Variants in MSH3 observed in about 807,000 individuals in gnomAD.
The protein encoded by MSH3 is DNA mismatch repair protein Msh3.
MSH3 carries 106 observed loss-of-function variants against 123.3 expected under a neutral mutation model. That is an observed-to-expected ratio of 0.86 (90% CI 0.73 to 1.01). MSH3 has a LOEUF of 1.01. Among genes scored for constraint, MSH3 ranks in the 50% least tolerant of loss-of-function variants. The pLI is 0.00. For synonymous variants in MSH3, 515 were observed against 481.4 expected, an observed-to-expected ratio of 1.07 and a Z score of -0.91; for missense variants, 1,459 against 1,347.6, an observed-to-expected ratio of 1.08 and a Z score of -1.29.
At chr5:80,833,449 G>GT (rs1480911874) in intron 20 of MSH3, among the ~76,000 whole-genome samples, 5 of 151,774 alleles carry the variant, frequency 3.3e-5, no homozygotes, top group Non-Finnish European at 5.9e-5. Flanking sequence ...TTATTTTTTT[G>GT]TTTTTTTGTT....
At chr5:80,659,715 C>A (rs1490042648) in intron 2 of MSH3, among the ~76,000 whole-genome samples, 2 of 152,142 alleles carry the variant, frequency 1.3e-5, no homozygotes, top group Non-Finnish European at 2.9e-5. Context: ...GCACCCACCA[C>A]CACCATCCAT....
intron 22 of MSH3, among the ~76,000 whole-genome samples, chr5:80,872,752 A>G (rs1346928634): frequency 6.6e-6 from 1 of 152,186 alleles, no homozygotes; most frequent in Non-Finnish European, 1.5e-5. Context: ...TGTTACAGTA[A>G]GGTATGATTG....
chr5:80,750,810 A>G (rs1743821118), intron 12 of MSH3, among the ~76,000 whole-genome samples: 1 of 152,078 alleles, frequency 6.6e-6, no homozygotes, highest in African/African-American at 2.4e-5. Flanking sequence ...AAGTCTTTGC[A>G]CTTGTTAGTC....
chr5:80,680,492 A>G (rs138801351), intron 8 of MSH3, among the ~76,000 whole-genome samples: 34 of 151,454 alleles, frequency 2.2e-4, no homozygotes, highest in African/African-American at 8.0e-4. Context: ...ACATTTTGGC[A>G]CATTATTTCC....
At chr5:80,744,450 C>T in intron 11 of MSH3, 56 bp from the exon 12 acceptor site, 2 of 1,268,080 alleles carry the variant, frequency 1.6e-6, no homozygotes, top group South Asian at 1.2e-5. Flanking sequence ...TATGAAATAA[C>T]AATTTGGCAC....
At chr5:80,875,687 G>A (rs1299565388) in intron 23 of MSH3, 64 bp from the exon 24 acceptor site, 1 of 937,480 alleles carries the variant, frequency 1.1e-6, no homozygotes, top group East Asian at 2.5e-5. Flanking sequence ...CATAGCTTCT[G>A]ATGAGACGTA....
In MSH3 at chr5:80,876,099, T is replaced by G; in HGVS notation, c.*237T>G. ...GACTTCCACTTTGTAATTAGAAAATTTTATGGACAGTAAGTCCAGTAAAGC... is the reference window on the plus strand; with the variant it reads ...GACTTCCACTTTGTAATTAGAAAATGTTATGGACAGTAAGTCCAGTAAAGC... On this transcript the variant is annotated 3_prime_UTR_variant, in exon 24 of 24. Coordinates refer to ENST00000265081, the MANE Select transcript of MSH3 (RefSeq NM_002439.5). 4.1e-6 allele frequency: 2 copies of G among 492,290 alleles called. No individual in the cohort carries two copies. Among genetic ancestry groups the G allele is most frequent in the Non-Finnish European group, 7.2e-6 (2 of 277,934 alleles). The allele number at this position is 492,290 out of a possible 1,614,324, so 30.5% of individuals were successfully genotyped here.
intron 3 of MSH3, among the ~76,000 whole-genome samples, chr5:80,667,357 A>G (rs1676226378): frequency 6.6e-6 from 1 of 152,216 alleles, no homozygotes; most frequent in African/African-American, 2.4e-5. Context: ...AACTCATCAA[A>G]ATTAAAAGCA....
chr5:80,829,566 T>G (rs1016238853), intron 20 of MSH3, among the ~76,000 whole-genome samples: 1 of 152,232 alleles, frequency 6.6e-6, no homozygotes, highest in African/African-American at 2.4e-5. Context: ...TCACCCAGTC[T>G]TGCACACTTA....
chr5:80,825,454 C>G (rs1373697012), intron 20 of MSH3, among the ~76,000 whole-genome samples: 1 of 152,026 alleles, frequency 6.6e-6, no homozygotes, highest in Admixed American at 6.6e-5. Flanking sequence ...TAATTTTTCC[C>G]TAATTATGAT....
chr5:80,773,663 A>T (rs964483071), intron 15 of MSH3, among the ~76,000 whole-genome samples: 8 of 152,248 alleles, frequency 5.3e-5, no homozygotes, highest in African/African-American at 1.9e-4. Context: ...AAAAGTTCTC[A>T]TAGCTCTCTC....
intron 8 of MSH3, among the ~76,000 whole-genome samples, chr5:80,687,308 G>A (rs761876194): frequency 1.3e-5 from 2 of 152,198 alleles, no homozygotes. Flanking sequence ...ATCAATTGCA[G>A]TTAAGGTTGC....
intron 8 of MSH3, among the ~76,000 whole-genome samples, chr5:80,694,073 A>G (rs1325663720): frequency 6.6e-6 from 1 of 152,196 alleles, no homozygotes; most frequent in Non-Finnish European, 1.5e-5. Context: ...TCATGCATAC[A>G]TAGGAAGTTC....
chr5:80,693,532 T>TATGCACATGTATATGTTTAG (rs1750387628), intron 8 of MSH3, among the ~76,000 whole-genome samples: 2 of 117,904 alleles, frequency 1.7e-5, no homozygotes, highest in South Asian at 2.6e-4. Flanking sequence ...TATATGTTTA[T>TATGCACATGTATATGTTTAG]ATAAATATAT....
intron 11 of MSH3, 63 bp from the exon 12 acceptor site, chr5:80,744,443 G>T: frequency 8.4e-7 from 1 of 1,194,104 alleles, no homozygotes; most frequent in Non-Finnish European, 1.2e-6. Flanking sequence ...CGGGGTATAT[G>T]AAATAACAAT....
At chr5:80,759,719 G>T (rs1743997660) in intron 12 of MSH3, among the ~76,000 whole-genome samples, 1 of 152,174 alleles carries the variant, frequency 6.6e-6, no homozygotes, top group Non-Finnish European at 1.5e-5. Flanking sequence ...TTGGAAAAAG[G>T]AATGGAAGTG....
chr5:80,799,616 C>A (rs1744758364), intron 19 of MSH3, among the ~76,000 whole-genome samples: 1 of 140,322 alleles, frequency 7.1e-6, no homozygotes, highest in Admixed American at 7.9e-5. Context: ...CTGCTGACTT[C>A]AGGGATATTA....
chr5:80,834,978 TATCTC>T (rs1260489690), intron 20 of MSH3, among the ~76,000 whole-genome samples: 2 of 152,240 alleles, frequency 1.3e-5, no homozygotes, highest in Admixed American at 6.5e-5. Flanking sequence ...TGAAATGTCT[TATCTC>T]ATCTATAAAA....
rs551426272 is a variant in MSH3, at chr5:80,693,554, T to C, written c.1340+14461T>C. Reference sequence around the variant, plus strand: ...TTATATAAATATATATGCACATGTATGTGTTTATATAAATATATATGCACA... The same window carrying C: ...TTATATAAATATATATGCACATGTACGTGTTTATATAAATATATATGCACA... On this transcript the variant is annotated intron_variant, in intron 8 of 23. Transcript: ENST00000265081. 1.5e-3 allele frequency among the ~76,000 whole-genome samples: 227 copies of C among 149,136 alleles called. 4 individuals carry two copies. Among genetic ancestry groups the C allele is most frequent in the South Asian group, 4.2e-3 (20 of 4,814 alleles).
Sources: allele counts gnomAD v4.1 joint callset (sites outside exome capture counted in the v4.1 genomes callset), GRCh38; gene constraint gnomAD v4.1.1; transcripts MANE v1.5; gene names NCBI Gene and HGNC (gene_info 2026-07-23, HGNC 2026-07-21).